The following EVC variants were observed in gnomAD, a reference collection of about 807,000 sequenced individuals.
The protein encoded by EVC is EvC ciliary complex subunit 1, also known as evC complex member EVC.
In EVC, 116 loss-of-function variants were observed where a neutral mutation model predicts 118.9. That is an observed-to-expected ratio of 0.98 (90% confidence interval 0.84 to 1.14). The LOEUF is 1.14. Among genes scored for constraint, EVC ranks in the 50% most tolerant of loss-of-function variants. The probability of loss-of-function intolerance (pLI) is 0.00; values close to 1 mark genes in which losing one functional copy is unlikely to be tolerated. For synonymous variants in EVC, 619 were observed against 534.7 expected (o/e 1.16, Z -2.18); for missense variants, 1,401 against 1,246.4 (o/e 1.12, Z -1.87).
chr4:5,770,080 C>A (rs1382500360), intron 11 of EVC, among the ~76,000 whole-genome samples: 1 of 152,106 alleles, frequency 6.6e-6, no homozygotes, highest in African/African-American at 2.4e-5. Context: ...GCTCTCTGCA[C>A]AGAGCTTCTG....
the EVC span, chr4:5,825,709 C>T: frequency 6.3e-7 from 1 of 1,582,378 alleles, no homozygotes; most frequent in Non-Finnish European, 8.6e-7. This position sits in a 1 kb window ranked among gnomAD's most constrained non-coding sequence, Gnocchi z 4.4. Flanking sequence ...GCATGTGTGC[C>T]CTTCTGGGCA....
chr4:5,820,522 G>A, the EVC span, among the ~76,000 whole-genome samples: 1 of 152,194 alleles, frequency 6.6e-6, no homozygotes, highest in Non-Finnish European at 1.5e-5. Flanking sequence ...CCCAACAGGA[G>A]GGAATCAATG....
At position 5,711,240 on chromosome 4, in the gene EVC, C is replaced by A; in HGVS notation, c.-141C>A. On this transcript the variant is annotated 5_prime_UTR_variant, in exon 1 of 21. Coordinates refer to ENST00000264956, the MANE Select transcript of EVC (RefSeq NM_153717.3). ...CAGGGAAGGGGAGAGAAGCAGGAGT[C>A]GGGAGACTGCACAGGCCAGAAAGTC... 2.3e-6 allele frequency: 1 copy of A among 430,312 alleles called. No individual in the cohort carries two copies. The highest frequency in any genetic ancestry group is 2.1e-5 in the African/African-American group (1 of 46,824). 26.7% of individuals were successfully genotyped at this position (430,312 alleles called of 1,614,324 possible). A position where few individuals can be genotyped will look rare whatever the true frequency, so the allele number is the denominator to read the frequency against.
rs924762206 is a variant in EVC, at chr4:5,731,289, G to A, written c.385-136G>A. On this transcript the variant is annotated intron_variant, in intron 3 of 20. Coordinates refer to ENST00000264956, the MANE Select transcript of EVC (RefSeq NM_153717.3). The surrounding 1 kb of genome is among the most constrained non-coding windows in gnomAD (Gnocchi z 5.6). ...CTGGGACGGAAACTCTGTGGTGTCT[G>A]CTGGCACCCTGGCCAGTCTCCTCCA... 1 of 805,560 alleles carries A rather than the reference G, an allele frequency of 1.2e-6. No individual in the cohort carries two copies. The highest frequency in any genetic ancestry group is 2.2e-6 in the Non-Finnish European group (1 of 454,026). 49.9% of individuals were successfully genotyped at this position (805,560 alleles called of 1,614,324 possible). A position where few individuals can be genotyped will look rare whatever the true frequency, so the allele number is the denominator to read the frequency against.
At chr4:5,721,832 A>C (rs1725007520) in intron 2 of EVC, among the ~76,000 whole-genome samples, 1 of 152,290 alleles carries the variant, frequency 6.6e-6, no homozygotes, top group Non-Finnish European at 1.5e-5. Context: ...GTGCCACTGC[A>C]CTCCAGCTTA....
chr4:5,725,973 A>G (rs1266994426), intron 2 of EVC, among the ~76,000 whole-genome samples: 1 of 152,240 alleles, frequency 6.6e-6, no homozygotes, highest in East Asian at 1.9e-4. Context: ...CGACAAGAAC[A>G]GGAGCCCCTG....
intron 8 of EVC, among the ~76,000 whole-genome samples, chr4:5,750,786 T>G (rs1224957209): frequency 6.6e-6 from 1 of 152,182 alleles, no homozygotes; most frequent in East Asian, 1.9e-4. Flanking sequence ...AGCAAAAAAT[T>G]ACTGTAATGA....
chr4:5,817,075 C>T (rs752900521), downstream of EVC, among the ~76,000 whole-genome samples: 8 of 152,224 alleles, frequency 5.3e-5, no homozygotes, highest in Admixed American at 1.3e-4. Context: ...GTCACAGGGC[C>T]GCCTGGCCCA....
Position 5,810,994 on chromosome 4 carries a change from G to C in EVC, c.2936G>C (p.Ser979Thr). ...LSQQESEAGD[S>T]GNSKKMLKRR... Reference sequence around the variant, plus strand: ...CAGCAAGAAAGTGAAGCTGGGGACAGTGGGAACTCAAAGAAGATGCTAAAG... The same window carrying C: ...CAGCAAGAAAGTGAAGCTGGGGACACTGGGAACTCAAAGAAGATGCTAAAG... The change falls in exon 21 of 21, where the codon AGT becomes ACT. Residue 979 changes from serine (S) to threonine (T), a missense_variant. Coordinates refer to ENST00000264956, the MANE Select transcript of EVC (RefSeq NM_153717.3). The C allele has an allele frequency of 6.2e-7, 1 of 1,613,144 alleles. No individual in the cohort carries two copies. The highest frequency in any genetic ancestry group is 2.2e-5 in the East Asian group (1 of 44,856).
intron 8 of EVC, among the ~76,000 whole-genome samples, chr4:5,748,522 A>ATCCATCCATCTACATG (rs143227724): frequency 1.5e-5 from 2 of 135,286 alleles, no homozygotes; most frequent in South Asian, 2.4e-4. Flanking sequence ...CCTTCCATCC[A>ATCCATCCATCTACATG]TCCATCCATC....
At chr4:5,785,121 G>GT (rs1254448328) in intron 12 of EVC, among the ~76,000 whole-genome samples, 1 of 152,284 alleles carries the variant, frequency 6.6e-6, no homozygotes, top group East Asian at 1.9e-4. Context: ...AAGGGCTTCT[G>GT]TTTCCTGATA....
the EVC span, chr4:5,824,909 G>C: frequency 1.0e-6 from 1 of 985,268 alleles, no homozygotes; most frequent in African/African-American, 1.7e-5. Context: ...AGTCAGGAGG[G>C]ATCAGGTCAA....
At chr4:5,763,262 A>G (rs1266625386) in intron 11 of EVC, among the ~76,000 whole-genome samples, 3 of 144,694 alleles carry the variant, frequency 2.1e-5, no homozygotes, top group Admixed American at 6.9e-5. Flanking sequence ...ATTGATCTAT[A>G]TCTGTTTTGG....
chr4:5,762,157 T>C (rs1732155285), intron 11 of EVC, among the ~76,000 whole-genome samples: 1 of 127,370 alleles, frequency 7.9e-6, no homozygotes, highest in Non-Finnish European at 1.7e-5. Context: ...CGGTGTTTGG[T>C]TTTTTGTTCT....
At chr4:5,763,478 A>T in intron 11 of EVC, among the ~76,000 whole-genome samples, 1 of 145,944 alleles carries the variant, frequency 6.9e-6, no homozygotes, top group Non-Finnish European at 1.5e-5. Context: ...TTGAGTCTAT[A>T]AATTACCTTG....
chr4:5,828,080 G>GC, the EVC span: 9 of 985,396 alleles, frequency 9.1e-6, no homozygotes, highest in Non-Finnish European at 9.6e-6. Flanking sequence ...GCTCCACAGG[G>GC]CCAGACCCGA....
At chr4:5,729,281 A>G (rs1560291048) in intron 2 of EVC, 26 bp from the exon 3 acceptor site, 11 of 1,611,786 alleles carry the variant, frequency 6.8e-6, no homozygotes, top group African/African-American at 2.7e-5. Flanking sequence ...AAAGTTTCCC[A>G]TGCCGTTTGT....
rs773199764 is a variant in EVC, at chr4:5,793,666, A to C, written c.1835A>C (p.His612Pro). 1 of 1,553,054 alleles carries C rather than the reference A, an allele frequency of 6.4e-7. No homozygotes were observed. The highest frequency in any genetic ancestry group is 8.7e-7 in the Non-Finnish European group (1 of 1,148,098). Residue 612 changes from histidine (H) to proline (P), a missense_variant, in exon 13 of 21, where the codon CAC (histidine) becomes CCC (proline). His to Pro is a moderately conservative substitution (Grantham distance 77). Transcript: ENST00000264956. ...SVLQTHLRED[H>P]EGTIRGVLGR... ...CTGCAGACACACCTGCGGGAGGACC[A>C]CGAGGGCACCATCCGCGGCGTCTTG...
intron 12 of EVC, among the ~76,000 whole-genome samples, chr4:5,792,927 T>C (rs1713064595): frequency 6.6e-6 from 1 of 152,182 alleles, no homozygotes; most frequent in South Asian, 2.1e-4. Flanking sequence ...TGGCATGTTT[T>C]GGGGTGGAAA....
Sources: gnomAD v4.1 joint callset for allele counts (sites outside exome capture counted in the v4.1 genomes callset) on GRCh38, gnomAD v4.1.1 for gene constraint, Gnocchi (gnomAD v3.1) non-coding constraint, MANE v1.5 for transcripts, NCBI Gene and HGNC (gene_info 2026-07-23, HGNC 2026-07-21) for gene names.